The following MDFIC2 variants were observed in gnomAD, a reference collection of about 807,000 sequenced individuals.
MDFIC2 encodes the protein myoD family inhibitor domain-containing protein 2.
chr3:70,245,467 T>C (rs1701697943), intron 2 of MDFIC2, among the ~76,000 whole-genome samples: 3 of 151,588 alleles, frequency 2.0e-5, no homozygotes, highest in Non-Finnish European at 4.4e-5. Context: ...AAATAGCATA[T>C]GGTCGATGGC....
intron 2 of MDFIC2, among the ~76,000 whole-genome samples, chr3:70,213,660 G>T (rs187138808): frequency 6.6e-6 from 1 of 152,170 alleles, no homozygotes; most frequent in Admixed American, 6.5e-5. Context: ...TTTTTCCTTT[G>T]TATGAAAATT....
chr3:70,280,445 G>A (rs1702069973), intron 2 of MDFIC2, among the ~76,000 whole-genome samples: 1 of 152,082 alleles, frequency 6.6e-6, no homozygotes, highest in African/African-American at 2.4e-5. Flanking sequence ...TACCACCCTA[G>A]GCATGTAACT....
At chr3:70,202,372 A>G (rs1482145569) in intron 3 of MDFIC2, among the ~76,000 whole-genome samples, 3 of 152,186 alleles carry the variant, frequency 2.0e-5, no homozygotes, top group African/African-American at 7.2e-5. Flanking sequence ...CTCCAAGTTC[A>G]TACCAGTGCA....
chr3:70,268,670 CTCT>C (rs2106669260), intron 2 of MDFIC2, among the ~76,000 whole-genome samples: 1 of 152,214 alleles, frequency 6.6e-6, no homozygotes, highest in Admixed American at 6.5e-5. Context: ...TCAGTATTCT[CTCT>C]TCTTTTGTTT....
intron 2 of MDFIC2, among the ~76,000 whole-genome samples, chr3:70,271,201 TGAG>T (rs1701973148): frequency 6.6e-6 from 1 of 152,144 alleles, no homozygotes; most frequent in Admixed American, 6.5e-5. Context: ...CTAATTATCT[TGAG>T]GATCTGTTAT....
intron 2 of MDFIC2, 94 bp from the exon 3 acceptor site, chr3:70,206,884 C>A: frequency 2.5e-6 from 1 of 395,420 alleles, no homozygotes; most frequent in Non-Finnish European, 4.5e-6. Context: ...TTTGACTTTC[C>A]TAAGATTAAA....
Position 70,196,901 on chromosome 3 carries a change from G to C in MDFIC2, c.*25C>G. 1 of 398,494 alleles carries C rather than the reference G, an allele frequency of 2.5e-6. No individual in the cohort carries two copies. Among genetic ancestry groups the C allele is most frequent in the Non-Finnish European group, 4.4e-6 (1 of 225,986 alleles). 24.7% of individuals were successfully genotyped at this position (398,494 alleles called of 1,614,324 possible). On this transcript the variant is annotated 3_prime_UTR_variant, in exon 4 of 4. Coordinates refer to ENST00000567252, the MANE Select transcript of MDFIC2 (RefSeq NM_001364677.1). ...ATTTCCCACCGTGGCCAAAAGGACT[G>C]CCGGAATGTGGTTACTTCACTGTGC...
chr3:70,223,684 TC>T (rs1195952617), intron 2 of MDFIC2, among the ~76,000 whole-genome samples: 1 of 152,132 alleles, frequency 6.6e-6, no homozygotes, highest in African/African-American at 2.4e-5. Flanking sequence ...AAATTTCTTT[TC>T]CCAAGTTATT....
At chr3:70,202,397 G>A (rs1701248602) in intron 3 of MDFIC2, among the ~76,000 whole-genome samples, 1 of 152,142 alleles carries the variant, frequency 6.6e-6, no homozygotes, top group African/African-American at 2.4e-5. Context: ...TAGTCTGGAG[G>A]GACAAAAGGA....
At chr3:70,278,239 A>G (rs1444599736) in intron 2 of MDFIC2, among the ~76,000 whole-genome samples, 2 of 152,142 alleles carry the variant, frequency 1.3e-5, no homozygotes, top group Non-Finnish European at 2.9e-5. Flanking sequence ...TGAAAGATTC[A>G]TTTACATTCT....
chr3:70,254,869 G>C (rs574228086), intron 2 of MDFIC2, among the ~76,000 whole-genome samples: 2 of 152,108 alleles, frequency 1.3e-5, no homozygotes, highest in African/African-American at 4.8e-5. Flanking sequence ...AAAAAACTGA[G>C]AGCATATTAT....
At position 70,268,551 on chromosome 3, in the gene MDFIC2, A is replaced by G. The variant is rs1701945829; in HGVS notation, c.88+43335T>C. 3.3e-5 allele frequency among the ~76,000 whole-genome samples: 5 copies of G among 151,990 alleles called. 1 individual carries two copies. Among genetic ancestry groups the G allele is most frequent in the Non-Finnish European group, 7.4e-5 (5 of 68,010 alleles). ...TTGATAAACCTACACTGACACATCA[A>G]CACTCCAAGGCCATAGTTCACATTC... On this transcript the variant is annotated intron_variant, in intron 2 of 3. Coordinates refer to ENST00000567252, the MANE Select transcript of MDFIC2 (RefSeq NM_001364677.1).
chr3:70,237,539 A>G (rs999018073), intron 2 of MDFIC2, among the ~76,000 whole-genome samples: 1 of 152,196 alleles, frequency 6.6e-6, no homozygotes, highest in Non-Finnish European at 1.5e-5. Flanking sequence ...TTGATGTCTT[A>G]CACCTCTTAC....
chr3:70,219,194 A>T (rs538055880), intron 2 of MDFIC2, among the ~76,000 whole-genome samples: 32 of 152,326 alleles, frequency 2.1e-4, no homozygotes, highest in Non-Finnish European at 4.3e-4. Context: ...AAAAACAAGA[A>T]TGCTCACATC....
chr3:70,234,132 T>C (rs1197093735), intron 2 of MDFIC2, among the ~76,000 whole-genome samples: 1 of 152,140 alleles, frequency 6.6e-6, no homozygotes, highest in South Asian at 2.1e-4. Context: ...CCCAGAAATA[T>C]CTGAGTGGGA....
At position 70,201,124 on chromosome 3, in the gene MDFIC2, A is replaced by G. The variant is rs555971164; in HGVS notation, c.311-3939T>C. On this transcript the variant is annotated intron_variant, in intron 3 of 3. Transcript: ENST00000567252. The stretch of plus-strand genomic sequence containing the variant: ...AGGTAAACTTGTGTCATGGAGGTTT[A>G]TTGGACAGTTTATTTCATCACCCAG... Among the ~76,000 whole-genome samples, 3 of 151,832 alleles carry G rather than the reference A, an allele frequency of 2.0e-5. No individual in the cohort carries two copies. The South Asian group carries it at 6.2e-4, about 32-fold the overall frequency.
intron 2 of MDFIC2, among the ~76,000 whole-genome samples, chr3:70,248,687 T>C (rs938072449): frequency 6.6e-6 from 1 of 152,136 alleles, no homozygotes; most frequent in African/African-American, 2.4e-5. Context: ...GATGTTAATT[T>C]GCCATTGGAA....
intron 2 of MDFIC2, among the ~76,000 whole-genome samples, chr3:70,307,976 G>C (rs980434909): frequency 1.3e-5 from 2 of 152,162 alleles, no homozygotes; most frequent in Non-Finnish European, 2.9e-5. Context: ...CAAAGAGACT[G>C]ACTGCCTTCA....
chr3:70,241,409 T>G (rs113756127), intron 2 of MDFIC2, among the ~76,000 whole-genome samples: 3,971 of 152,292 alleles, frequency 0.026, 79 homozygotes, highest in Non-Finnish European at 0.035. Flanking sequence ...CCAGTCATTT[T>G]GGTGACTAAC....
Sources: gnomAD v4.1 joint callset for allele counts (sites outside exome capture counted in the v4.1 genomes callset) on GRCh38, gnomAD v4.1.1 for gene constraint, MANE v1.5 for transcripts, NCBI Gene and HGNC (gene_info 2026-07-23, HGNC 2026-07-21) for gene names.